The following ANK3 variants were observed in gnomAD, a reference collection of about 807,000 sequenced individuals.
The protein encoded by ANK3 is ankyrin-3.
ANK3 carries 57 observed loss-of-function variants against 370.9 expected under a neutral mutation model. That is an observed-to-expected ratio of 0.15 (90% CI 0.12 to 0.19). The LOEUF (loss-of-function observed/expected upper bound fraction) is 0.19, where lower values mean the gene tolerates loss of function less well. ANK3 is among the 10% of genes least tolerant of loss of function. ANK3 has a pLI of 1.00. For synonymous variants in ANK3, 1,929 were observed against 1,946.3 expected, an observed-to-expected ratio of 0.99 and a Z score of 0.23; for missense variants, 4,439 against 5,302.1, an observed-to-expected ratio of 0.84 and a Z score of 5.06.
intron 1 of ANK3, among the ~76,000 whole-genome samples, chr10:60,294,463 A>G (rs1199763887): frequency 6.6e-6 from 1 of 152,114 alleles, no homozygotes; most frequent in East Asian, 1.9e-4. Context: ...GCCTTGCTAG[A>G]ATTGTTGGTA....
In ANK3 at chr10:60,071,700, G is replaced by T. The variant is rs1299364308; in HGVS notation, c.9181C>A (p.Pro3061Thr). ...CTGTGGTCGAATACATCACTAGAGG[G>T]AGATTCCTTTCCTGGGCTAAACTCT... is the stretch of plus-strand genomic sequence containing the variant. ...SLEFSPGKESPSSDVFDHSPI... is the reference protein window; with the variant it reads ...SLEFSPGKESTSSDVFDHSPI... The change falls in exon 37 of 44, where the codon CCC becomes ACC. Residue 3061 changes from proline to threonine, a missense_variant. Transcript: ENST00000280772. The T allele has an allele frequency of 6.3e-7, 1 of 1,598,762 alleles. No homozygotes were observed. Among genetic ancestry groups the T allele is most frequent in the Non-Finnish European group, 8.5e-7 (1 of 1,174,610 alleles).
At chr10:60,670,602 T>C (rs1481407838) in intron 1 of ANK3, among the ~76,000 whole-genome samples, 2 of 152,196 alleles carry the variant, frequency 1.3e-5, no homozygotes, top group Non-Finnish European at 2.9e-5. Context: ...ATATCCCTTT[T>C]ATAAAGCACC....
chr10:60,465,088 G>A (rs1185985522), intron 2 of ANK3, among the ~76,000 whole-genome samples: 1 of 152,016 alleles, frequency 6.6e-6, no homozygotes, highest in Non-Finnish European at 1.5e-5. Flanking sequence ...GCAACATGGT[G>A]AAAGCTGTCC....
At chr10:60,111,358 T>C (rs1480268545) in intron 26 of ANK3, among the ~76,000 whole-genome samples, 4 of 152,142 alleles carry the variant, frequency 2.6e-5, no homozygotes, top group African/African-American at 9.7e-5. Flanking sequence ...CTCAACTTCA[T>C]AGAGTCAACA....
chr10:60,672,591 C>T (rs1365497020), intron 1 of ANK3, among the ~76,000 whole-genome samples: 2 of 152,210 alleles, frequency 1.3e-5, no homozygotes, highest in East Asian at 3.8e-4. Context: ...TTCCAGACCT[C>T]ACCCTCTGTA....
rs550650485 is a variant in ANK3 at position 60,449,083 on chromosome 10, A to G, written c.96+166103T>C. ...CTCTGAATGAACATGCCTTGGCCCT[A>G]TGCTAAAATAAGCATGGGTCTCTCT... is the stretch of plus-strand genomic sequence containing the variant. On this transcript the variant is annotated intron_variant, in intron 2 of 43. Coordinates refer to the ANK3 transcript ENST00000373827. 1.8e-4 allele frequency among the ~76,000 whole-genome samples: 27 copies of G among 152,308 alleles called. No individual in the cohort carries two copies. The South Asian group carries it at 5.2e-3, about 29-fold the overall frequency.
At chr10:60,392,948 C>T (rs112334177), upstream of ANK3, among the ~76,000 whole-genome samples, 1,976 of 151,732 alleles carry the variant, frequency 0.013, 51 homozygotes, top group African/African-American at 0.045. Flanking sequence ...CACTCCCTCC[C>T]CCAAAAAAGA....
At chr10:60,463,268 A>G (rs2064933413) in intron 2 of ANK3, among the ~76,000 whole-genome samples, 3 of 152,122 alleles carry the variant, frequency 2.0e-5, no homozygotes, top group Admixed American at 2.0e-4. Flanking sequence ...GTTTTCTTAA[A>G]CCTTACATTT....
intron 7 of ANK3, among the ~76,000 whole-genome samples, chr10:60,246,883 C>T: frequency 6.6e-6 from 1 of 152,174 alleles, no homozygotes; most frequent in African/African-American, 2.4e-5. Flanking sequence ...CCAATACACA[C>T]AATCTCAGGA....
rs552632213 is a variant in ANK3, at chr10:60,430,614, G to A, written c.97-150975C>T. Among the ~76,000 whole-genome samples the A allele has an allele frequency of 2.0e-5, 3 of 152,198 alleles. No individual in the cohort carries two copies. The South Asian group carries it at 6.2e-4, about 32-fold the overall frequency. ...ATGATTTGTCCCAGGCAATCGATGGGTATGGTTATCCTAGTTACACGTATT... is the reference window on the plus strand; with the variant it reads ...ATGATTTGTCCCAGGCAATCGATGGATATGGTTATCCTAGTTACACGTATT... On this transcript the variant is annotated intron_variant, in intron 2 of 43. Coordinates refer to the ANK3 transcript ENST00000373827.
intron 1 of ANK3, among the ~76,000 whole-genome samples, chr10:60,679,338 C>A (rs980489657): frequency 6.6e-6 from 1 of 152,164 alleles, no homozygotes; most frequent in East Asian, 1.9e-4. Flanking sequence ...GATGGTCAGG[C>A]GGTTGTTAAA....
Position 60,059,961 on chromosome 10 carries a change from T to C in ANK3, c.12596-531A>G, listed in dbSNP as rs778102963. 2.5e-6 allele frequency: 4 copies of C among 1,611,202 alleles called. No homozygotes were observed. The African/African-American group carries it at 5.3e-5, about 22-fold the overall frequency. On this transcript the variant is annotated intron_variant, in intron 40 of 43. Transcript: ENST00000280772. ...CTGGAAAGGGGTAGGTGGTGTGTAG[T>C]GCAACCCTGTGGGGGTTTCCAGTTC...
rs2094708992 is a variant in ANK3, at chr10:60,144,343, C to T, written c.2615-5256G>A. On this transcript the variant is annotated intron_variant, in intron 23 of 43. Transcript: ENST00000280772. The stretch of plus-strand genomic sequence containing the variant: ...TGTAGTGCATTAAATGATGTGCATA[C>T]ACAAAGCCCAGGAGCACAGTGGCAA... 44 of 289,836 alleles carry T rather than the reference C, an allele frequency of 1.5e-4. 2 individuals are homozygous for T. The highest frequency in any genetic ancestry group is 1.2e-3 in the South Asian group (42 of 34,276). The allele number at this position is 289,836 out of a possible 1,614,324, so 18.0% of individuals were successfully genotyped here. A position where few individuals can be genotyped will look rare whatever the true frequency, so the allele number is the denominator to read the frequency against.
At chr10:60,258,905 T>C (rs1280357919) in intron 7 of ANK3, among the ~76,000 whole-genome samples, 1 of 152,210 alleles carries the variant, frequency 6.6e-6, no homozygotes, top group Non-Finnish European at 1.5e-5. Context: ...ACCTCATCAA[T>C]ACCTCTCTCC....
intron 1 of ANK3, among the ~76,000 whole-genome samples, chr10:60,705,819 T>TC (rs397956229): frequency 8.7e-6 from 1 of 114,652 alleles, no homozygotes; most frequent in Non-Finnish European, 1.8e-5. Context: ...TTTTTTTTTT[T>TC]CTTTCTTTTT....
At chr10:60,228,342 T>C (rs749810110) in intron 8 of ANK3, among the ~76,000 whole-genome samples, 1 of 152,036 alleles carries the variant, frequency 6.6e-6, no homozygotes, top group African/African-American at 2.4e-5. Context: ...GAGACCAGCC[T>C]GGCCAATATG....
At chr10:60,325,966 A>G (rs1267549914) in intron 1 of ANK3, among the ~76,000 whole-genome samples, 1 of 152,242 alleles carries the variant, frequency 6.6e-6, no homozygotes, top group Non-Finnish European at 1.5e-5. Flanking sequence ...GAACAAGATC[A>G]TGCCCTTTGC....
At chr10:60,565,725 G>T (rs547431942) in intron 2 of ANK3, among the ~76,000 whole-genome samples, 10 of 152,188 alleles carry the variant, frequency 6.6e-5, no homozygotes, top group Non-Finnish European at 1.3e-4. Flanking sequence ...CTTATCCTCT[G>T]TCATCTGGGA....
intron 25 of ANK3, 105 bp from the exon 26 acceptor site, chr10:60,114,436 AC>A (rs1279997082): frequency 2.1e-5 from 10 of 481,356 alleles, no homozygotes; most frequent in Non-Finnish European, 3.6e-5. Context: ...AGATAGACTT[AC>A]ATTCAACATA....
Sources: allele counts gnomAD v4.1 joint callset (sites outside exome capture counted in the v4.1 genomes callset), GRCh38; gene constraint gnomAD v4.1.1; transcripts MANE v1.5; gene names NCBI Gene and HGNC (gene_info 2026-07-23, HGNC 2026-07-21).